Variants in TAOK1 observed in about 807,000 individuals in gnomAD.
TAOK1 encodes serine/threonine-protein kinase TAO1.
TAOK1 carries 21 observed loss-of-function variants against 138.3 expected under a neutral mutation model. That is an observed-to-expected ratio of 0.15 (90% CI 0.11 to 0.22). The LOEUF (loss-of-function observed/expected upper bound fraction) is 0.22, where lower values mean the gene tolerates loss of function less well. TAOK1 is among the 10% of genes least tolerant of loss of function. The probability of loss-of-function intolerance (pLI) is 1.00; values close to 1 mark genes in which losing one functional copy is unlikely to be tolerated. For missense variants in TAOK1, 651 were observed against 1,227.7 expected (o/e 0.53, Z 7.02); for synonymous variants, 361 against 398.4 (o/e 0.91, Z 1.12).
At chr17:29,506,713 C>T (rs1453072558) in intron 13 of TAOK1, among the ~76,000 whole-genome samples, 1 of 152,010 alleles carries the variant, frequency 6.6e-6, no homozygotes, top group East Asian at 1.9e-4. Flanking sequence ...CACATGTACT[C>T]CATAAATGTA....
chr17:29,539,145 C>G (rs1395490756), intron 19 of TAOK1, among the ~76,000 whole-genome samples: 1 of 151,994 alleles, frequency 6.6e-6, no homozygotes, highest in Non-Finnish European at 1.5e-5. Context: ...GCCTGTAGTA[C>G]CAGCTCCTCT....
chr17:29,531,644 T>C (rs1476902071), intron 18 of TAOK1, among the ~76,000 whole-genome samples: 1 of 151,038 alleles, frequency 6.6e-6, no homozygotes, highest in East Asian at 2.1e-4. Flanking sequence ...GCGCCCATAA[T>C]CCCAGCTACT....
At chr17:29,529,164 G>C (rs1416619720) in intron 17 of TAOK1, among the ~76,000 whole-genome samples, 1 of 151,932 alleles carries the variant, frequency 6.6e-6, no homozygotes, top group African/African-American at 2.4e-5. Flanking sequence ...TGTAGAAATG[G>C]GGTCTCACTA....
At chr17:29,440,268 G>A (rs1175402281) in intron 1 of TAOK1, among the ~76,000 whole-genome samples, 1 of 152,034 alleles carries the variant, frequency 6.6e-6, no homozygotes, top group Non-Finnish European at 1.5e-5. Context: ...TCTTATATAA[G>A]TCCTAGCACT....
In TAOK1 at chr17:29,549,618, A is replaced by G. The variant is rs2032457946; in HGVS notation, c.*6596A>G. ...GGACTGAATTATGTGACTTTAAAGG[A>G]TGTAACTGCCCAACATTTGCAGATT... is the stretch of plus-strand genomic sequence containing the variant. On this transcript the variant is annotated 3_prime_UTR_variant, in exon 20 of 20. Transcript: ENST00000261716. The G allele has an allele frequency of 1.3e-5, 2 of 152,156 alleles. No homozygotes were observed. The highest frequency in any genetic ancestry group is 4.1e-4 in the South Asian group (2 of 4,828). 9.4% of individuals were successfully genotyped at this position (152,156 alleles called of 1,614,324 possible).
At chr17:29,392,236 A>G (rs1429142308) in intron 1 of TAOK1, among the ~76,000 whole-genome samples, 1 of 152,154 alleles carries the variant, frequency 6.6e-6, no homozygotes, top group Non-Finnish European at 1.5e-5. Flanking sequence ...ATTATTAACA[A>G]TTATTACATA....
chr17:29,443,479 G>A (rs150337801), intron 1 of TAOK1, among the ~76,000 whole-genome samples: 1 of 152,220 alleles, frequency 6.6e-6, no homozygotes, highest in Non-Finnish European at 1.5e-5. Context: ...CAGCTTTCTT[G>A]GAGATGTATG....
chr17:29,436,687 T>C (rs565151921), intron 1 of TAOK1, among the ~76,000 whole-genome samples: 5 of 152,306 alleles, frequency 3.3e-5, no homozygotes, highest in African/African-American at 2.4e-5. Context: ...CAACCTTAAT[T>C]ATGATTGATA....
intron 1 of TAOK1, among the ~76,000 whole-genome samples, chr17:29,420,943 T>C (rs1905422748): frequency 6.6e-6 from 1 of 151,682 alleles, no homozygotes; most frequent in Admixed American, 6.6e-5. Context: ...TTTGTTTTTC[T>C]TTTTGAGGCA....
intron 2 of TAOK1, among the ~76,000 whole-genome samples, chr17:29,466,722 A>G (rs187812063): frequency 8.3e-4 from 126 of 152,288 alleles, no homozygotes; most frequent in African/African-American, 2.9e-3. Flanking sequence ...ATTCTTTTCA[A>G]TCTGCCATCA....
At chr17:29,480,000 G>C (rs2031027016) in intron 6 of TAOK1, 1 of 153,882 alleles carries the variant, frequency 6.5e-6, no homozygotes. Context: ...TTTAAGTTAA[G>C]TATGGATACT....
chr17:29,542,506 T>C (rs183489786), intron 19 of TAOK1, 55 bp from the exon 20 acceptor site: 66 of 1,468,482 alleles, frequency 4.5e-5, no homozygotes, highest in Non-Finnish European at 6.0e-5. Context: ...GCTTCCTTTC[T>C]TTATAGACTT....
intron 8 of TAOK1, among the ~76,000 whole-genome samples, chr17:29,488,720 A>G (rs2031232862): frequency 6.6e-6 from 1 of 152,096 alleles, no homozygotes; most frequent in Non-Finnish European, 1.5e-5. Flanking sequence ...AGATACAGAA[A>G]GGCGACCATA....
At chr17:29,432,582 G>A (rs192290111) in intron 1 of TAOK1, among the ~76,000 whole-genome samples, 4 of 152,170 alleles carry the variant, frequency 2.6e-5, no homozygotes, top group Admixed American at 1.3e-4. Flanking sequence ...CACCCATCTC[G>A]GCCTCCCAAA....
chr17:29,479,522 C>T (rs1317383100), intron 6 of TAOK1, among the ~76,000 whole-genome samples: 2 of 151,820 alleles, frequency 1.3e-5, no homozygotes, highest in Non-Finnish European at 2.9e-5. Flanking sequence ...TACCCACAAG[C>T]TAGTAAATAA....
At chr17:29,517,905 G>A (rs1276365363) in intron 16 of TAOK1, among the ~76,000 whole-genome samples, 2 of 151,944 alleles carry the variant, frequency 1.3e-5, no homozygotes, top group African/African-American at 4.8e-5. Context: ...GCCAAGTATG[G>A]AGTGCAGTGG....
chr17:29,431,023 T>C (rs34829898), intron 1 of TAOK1, among the ~76,000 whole-genome samples: 24,376 of 152,122 alleles, frequency 0.16, 2,072 homozygotes, highest in Admixed American at 0.21. Flanking sequence ...TATGCTGTTA[T>C]AGAAATTTGC....
chr17:29,454,818 C>T (rs572835950), intron 2 of TAOK1, among the ~76,000 whole-genome samples: 10 of 152,252 alleles, frequency 6.6e-5, no homozygotes, highest in African/African-American at 2.2e-4. Flanking sequence ...TCTCCTGCCT[C>T]AGCCTCTCAA....
At chr17:29,458,586 C>T (rs1025929859) in intron 2 of TAOK1, among the ~76,000 whole-genome samples, 3 of 152,222 alleles carry the variant, frequency 2.0e-5, no homozygotes, top group African/African-American at 7.2e-5. Context: ...CAACCTCTGC[C>T]TCTGGGTTCA....
Sources: allele counts gnomAD v4.1 joint callset (sites outside exome capture counted in the v4.1 genomes callset), GRCh38; gene constraint gnomAD v4.1.1; transcripts MANE v1.5; gene names NCBI Gene and HGNC (gene_info 2026-07-23, HGNC 2026-07-21).